CNTN4: variants seen among roughly 807,000 people sequenced by gnomAD.
The protein encoded by CNTN4 is contactin-4.
In CNTN4, 77 loss-of-function variants were observed where a neutral mutation model predicts 122.5. That is an observed-to-expected ratio of 0.63 (90% confidence interval 0.52 to 0.76). The LOEUF is 0.76. Among genes scored for constraint, CNTN4 ranks in the 30% least tolerant of loss-of-function variants. The pLI is 0.00. For missense variants in CNTN4, 1,256 were observed against 1,259.1 expected (o/e 1.00, Z 0.04); for synonymous variants, 512 against 447.0 (o/e 1.15, Z -1.83).
At chr3:2,234,203 AC>A (rs1338730927) in intron 2 of CNTN4, among the ~76,000 whole-genome samples, 2 of 151,834 alleles carry the variant, frequency 1.3e-5, no homozygotes, top group Non-Finnish European at 2.9e-5. Flanking sequence ...ATATGGTGAA[AC>A]CCCGTCTCTA....
intron 7 of CNTN4, among the ~76,000 whole-genome samples, chr3:2,858,398 C>T (rs1319158507): frequency 1.3e-5 from 2 of 152,164 alleles, no homozygotes; most frequent in Non-Finnish European, 2.9e-5. Flanking sequence ...CTTTTGAGGA[C>T]TGATATTTGA....
intron 2 of CNTN4, among the ~76,000 whole-genome samples, chr3:2,211,964 G>C (rs1310481736): frequency 1.3e-5 from 2 of 152,042 alleles, no homozygotes; most frequent in Admixed American, 6.6e-5. Context: ...CTTTAAAACT[G>C]TTCCTTTCTC....
chr3:2,710,416 C>T (rs542766220), intron 4 of CNTN4, among the ~76,000 whole-genome samples: 2 of 152,288 alleles, frequency 1.3e-5, no homozygotes, highest in East Asian at 3.9e-4. Context: ...ATAGTGACAG[C>T]TGCACCCAGA....
At chr3:2,555,210 A>C (rs1160936270) in intron 3 of CNTN4, among the ~76,000 whole-genome samples, 1 of 152,192 alleles carries the variant, frequency 6.6e-6, no homozygotes, top group Middle Eastern at 3.2e-3. Context: ...ACTTATCCAC[A>C]AAGGTAACCA....
rs75607890 is a variant in CNTN4 at position 2,183,876 on chromosome 3, A to G, written c.-145+83237A>G. Among the ~76,000 whole-genome samples the G allele has an allele frequency of 2.9e-3, 448 of 152,344 alleles. 5 individuals are homozygous for G. The East Asian group carries it at 0.039, about 13-fold the overall frequency. On this transcript the variant is annotated intron_variant, in intron 2 of 24. Transcript: ENST00000418658. Reference sequence around the variant, plus strand: ...CACTTCTCTCCTATTAGAAGAAACAAATACGTTTGGAAAAAAATATTTTTG... The same window carrying G: ...CACTTCTCTCCTATTAGAAGAAACAGATACGTTTGGAAAAAAATATTTTTG...
rs1422438658 is a variant in CNTN4 at position 2,242,079 on chromosome 3, G to A, written c.-144-97099G>A. 2.6e-5 allele frequency among the ~76,000 whole-genome samples: 4 copies of A among 152,030 alleles called. No individual in the cohort carries two copies. The East Asian group carries it at 7.7e-4, about 29-fold the overall frequency. On this transcript the variant is annotated intron_variant, in intron 2 of 24. Coordinates refer to ENST00000418658, the MANE Select transcript of CNTN4 (RefSeq NM_175607.3). ...GAAAGACCATCAAAAACTTATATTAGTACTAGGAAGAACACAATTATTTTA... is the reference window on the plus strand; with the variant it reads ...GAAAGACCATCAAAAACTTATATTAATACTAGGAAGAACACAATTATTTTA...
intron 3 of CNTN4, among the ~76,000 whole-genome samples, chr3:2,531,901 G>T (rs930859292): frequency 6.6e-6 from 1 of 152,136 alleles, no homozygotes; most frequent in South Asian, 2.1e-4. Context: ...GGCAGTGTTC[G>T]CTCTAATACT....
At chr3:2,452,991 G>C (rs996855234) in intron 3 of CNTN4, among the ~76,000 whole-genome samples, 1 of 151,796 alleles carries the variant, frequency 6.6e-6, no homozygotes, top group Admixed American at 6.6e-5. Context: ...TTTTAATTTT[G>C]TTTCCTGATT....
At chr3:2,396,346 G>T (rs112547865) in intron 3 of CNTN4, among the ~76,000 whole-genome samples, 3,325 of 152,178 alleles carry the variant, frequency 0.022, 132 homozygotes, top group African/African-American at 0.076. Flanking sequence ...TAAGTATGAA[G>T]GATAATGAGA....
At chr3:2,351,833 T>G (rs2044636339) in intron 3 of CNTN4, among the ~76,000 whole-genome samples, 3 of 145,258 alleles carry the variant, frequency 2.1e-5, no homozygotes, top group South Asian at 2.3e-4. Context: ...GGGGAGGGAA[T>G]GGGGGATTGT....
rs76906626 is a variant in CNTN4, at chr3:2,986,635, T to C, written c.1359-1710T>C. 2.5e-3 allele frequency among the ~76,000 whole-genome samples: 382 copies of C among 152,302 alleles called. 1 individual carries two copies. The highest frequency in any genetic ancestry group is 8.2e-3 in the African/African-American group (339 of 41,574). On this transcript the variant is annotated intron_variant, in intron 13 of 24. Coordinates refer to ENST00000418658, the MANE Select transcript of CNTN4 (RefSeq NM_175607.3). Reference sequence around the variant, plus strand: ...GTTTTTATAATGCTTGCTCAAAAGTTCTATGAAGTGAGGCTCTGCCCATCC... The same window carrying C: ...GTTTTTATAATGCTTGCTCAAAAGTCCTATGAAGTGAGGCTCTGCCCATCC...
At position 2,961,099 on chromosome 3, in the gene CNTN4, G is replaced by GC. The variant is rs1313871701; in HGVS notation, c.1359-27246_1359-27245insC. 2.4e-4 allele frequency among the ~76,000 whole-genome samples: 34 copies of GC among 141,972 alleles called. 1 individual carries two copies. The highest frequency in any genetic ancestry group is 1.1e-3 in the Admixed American group (16 of 13,914). The allele number at this position is 141,972 out of a possible 152,430, so 93.1% of individuals were successfully genotyped here. ...CAAAAAATTAGCCGGGCGTGGTGAT[G>GC]GGCGCCTGTAGTCCCAGCTACTCGG... On this transcript the variant is annotated intron_variant, in intron 13 of 24. Coordinates refer to ENST00000418658, the MANE Select transcript of CNTN4 (RefSeq NM_175607.3).
At chr3:2,264,776 C>T (rs1334774867) in intron 2 of CNTN4, among the ~76,000 whole-genome samples, 1 of 151,870 alleles carries the variant, frequency 6.6e-6, no homozygotes, top group Non-Finnish European at 1.5e-5. Flanking sequence ...GTGTTTAATC[C>T]ATTTTGAGTT....
chr3:2,136,778 C>T, intron 2 of CNTN4, among the ~76,000 whole-genome samples: 1 of 151,710 alleles, frequency 6.6e-6, no homozygotes, highest in East Asian at 1.9e-4. Context: ...ACAGATACCA[C>T]TCAAAAGAAT....
intron 2 of CNTN4, among the ~76,000 whole-genome samples, chr3:2,119,924 T>G (rs1574866159): frequency 6.6e-6 from 1 of 152,208 alleles, no homozygotes; most frequent in East Asian, 1.9e-4. Context: ...AGTGCTGAGA[T>G]AGTGCATAAT....
At chr3:2,735,372 G>C (rs1021606009) in intron 4 of CNTN4, among the ~76,000 whole-genome samples, 3 of 152,176 alleles carry the variant, frequency 2.0e-5, no homozygotes, top group Admixed American at 2.0e-4. Context: ...TTAAGGTATG[G>C]TTTGTGGATC....
At chr3:2,354,194 G>T (rs1034062748) in intron 3 of CNTN4, among the ~76,000 whole-genome samples, 1 of 152,144 alleles carries the variant, frequency 6.6e-6, no homozygotes, top group Admixed American at 6.5e-5. Context: ...TGACTCCAGG[G>T]TCAGAATTCA....
chr3:2,388,917 G>T (rs1202033176), intron 3 of CNTN4, among the ~76,000 whole-genome samples: 1 of 146,162 alleles, frequency 6.8e-6, no homozygotes, highest in Non-Finnish European at 1.6e-5. Context: ...CAGCACTTTG[G>T]GAGGCCGGGG....
intron 3 of CNTN4, among the ~76,000 whole-genome samples, chr3:2,425,538 T>C (rs1354296103): frequency 3.3e-5 from 5 of 152,218 alleles, no homozygotes; most frequent in Admixed American, 6.5e-5. Flanking sequence ...GGTTTAGGAT[T>C]GTCTTGGCAA....
Sources: gnomAD v4.1 joint callset for allele counts (sites outside exome capture counted in the v4.1 genomes callset) on GRCh38, gnomAD v4.1.1 for gene constraint, MANE v1.5 for transcripts, NCBI Gene and HGNC (gene_info 2026-07-23, HGNC 2026-07-21) for gene names.